Variants in TMC2 observed in about 807,000 individuals in gnomAD.
The protein encoded by TMC2 is transmembrane channel like 2, also known as transmembrane channel-like protein 2.
A neutral mutation model predicts 105.9 loss-of-function variants in TMC2; 102 were observed. The ratio of observed to expected loss-of-function variants is 0.96; its 90% CI spans 0.82 to 1.14. The LOEUF (loss-of-function observed/expected upper bound fraction) is 1.14. Among genes scored for constraint, TMC2 ranks in the 50% most tolerant of loss-of-function variants. The pLI, the probability that TMC2 is intolerant of heterozygous loss-of-function variation, is 0.00. For missense variants in TMC2, 1,093 were observed against 1,134.3 expected (o/e 0.96, Z 0.52); for synonymous variants, 402 against 422.8 (o/e 0.95, Z 0.60).
chr20:2,549,908 T>C (rs2085946865), intron 2 of TMC2, among the ~76,000 whole-genome samples: 1 of 151,982 alleles, frequency 6.6e-6, no homozygotes, highest in Admixed American at 6.6e-5. Context: ...TTTGGCTGTG[T>C]GCAGTGGCTC....
intron 2 of TMC2, among the ~76,000 whole-genome samples, chr20:2,549,215 T>C (rs1374832637): frequency 6.6e-6 from 1 of 152,170 alleles, no homozygotes; most frequent in Non-Finnish European, 1.5e-5. Flanking sequence ...ACCACTATCC[T>C]GGCTAAATTT....
intron 6 of TMC2, among the ~76,000 whole-genome samples, chr20:2,579,573 C>T (rs2086173888): frequency 6.6e-6 from 1 of 151,948 alleles, no homozygotes; most frequent in South Asian, 2.1e-4. Flanking sequence ...AGGTCTGGGC[C>T]ACCACACCTG....
chr20:2,559,544 T>C (rs892741939), intron 3 of TMC2, among the ~76,000 whole-genome samples: 3 of 152,190 alleles, frequency 2.0e-5, no homozygotes, highest in Non-Finnish European at 4.4e-5. Flanking sequence ...TTCTTTGTGA[T>C]AGAATAGGAA....
chr20:2,626,415 T>A (rs1449404634), intron 17 of TMC2, among the ~76,000 whole-genome samples: 3 of 152,128 alleles, frequency 2.0e-5, no homozygotes, highest in African/African-American at 7.2e-5. Context: ...TTCCTCATAG[T>A]ATGGTGGCTG....
chr20:2,614,244 G>A (rs181909645), intron 14 of TMC2, among the ~76,000 whole-genome samples: 14 of 152,244 alleles, frequency 9.2e-5, no homozygotes, highest in African/African-American at 1.9e-4. Context: ...AGATCACCAC[G>A]ATTTCCAAAT....
chr20:2,616,116 GCTCC>G lies in TMC2; in HGVS notation c.1873-9_1873-6del, dbSNP rs760180279. The G allele has an allele frequency of 9.3e-5, 147 of 1,585,076 alleles. No individual in the cohort carries two copies. The highest frequency in any genetic ancestry group is 1.2e-4 in the Non-Finnish European group (135 of 1,156,348). On this transcript the variant is annotated splice_polypyrimidine_tract_variant and intron_variant, in intron 14 of 19. Transcript: ENST00000358864. This position sits in a 1 kb window ranked among gnomAD's most constrained non-coding sequence, Gnocchi z 4.8. ...GCTTTTTTTTTTCTCTCTCTCTCTC[GCTCC>G]CTCCCTCCCTCTCTAGCCTTCATAT...
chr20:2,571,543 CA>C (rs538056616), intron 4 of TMC2, among the ~76,000 whole-genome samples: 1 of 152,098 alleles, frequency 6.6e-6, no homozygotes, highest in Non-Finnish European at 1.5e-5. Context: ...AACAAACAAA[CA>C]AAAAACACTT....
At chr20:2,554,894 G>A (rs1316766827) in intron 2 of TMC2, among the ~76,000 whole-genome samples, 1 of 152,112 alleles carries the variant, frequency 6.6e-6, no homozygotes, top group South Asian at 2.1e-4. Flanking sequence ...AGCTTGAGAA[G>A]GATCTGTTGT....
At chr20:2,557,085 T>C (rs1384787936) in intron 2 of TMC2, among the ~76,000 whole-genome samples, 1 of 152,224 alleles carries the variant, frequency 6.6e-6, no homozygotes, top group Non-Finnish European at 1.5e-5. Context: ...TCCTGCTTGA[T>C]GTTCTCTGGG....
rs2086687927 is a variant in TMC2 at position 2,641,337 on chromosome 20, A to G, written c.2707A>G (p.Arg903Gly). Residue 903 changes from arginine to glycine, a missense_variant, in exon 20 of 20, where the codon AGA becomes GGA. Transcript: ENST00000358864. ...GTCAGCCTCTGGAAAGAGTGCTCAG[A>G]GACCTCCCCACTGATGGCTAGGACT... is the stretch of plus-strand genomic sequence containing the variant. ...WRSASGKSAQ[R>G]PPH is the part of the protein sequence containing the mutation. 6 of 1,613,278 alleles carry G rather than the reference A, an allele frequency of 3.7e-6. No homozygotes were observed. In the African/African-American group the frequency reaches 8.0e-5, roughly 22 times the overall value.
intron 2 of TMC2, among the ~76,000 whole-genome samples, chr20:2,545,522 C>T (rs2085916944): frequency 6.6e-6 from 1 of 152,176 alleles, no homozygotes; most frequent in South Asian, 2.1e-4. Context: ...TCACTGGGGG[C>T]CATTCAGTCA....
chr20:2,536,904 C>T (rs979266771), intron 1 of TMC2, among the ~76,000 whole-genome samples: 2 of 152,212 alleles, frequency 1.3e-5, no homozygotes, highest in African/African-American at 4.8e-5. Flanking sequence ...TGCACAGCAC[C>T]TGTGTTCAGG....
At chr20:2,537,815 C>T (rs73892476) in intron 2 of TMC2, among the ~76,000 whole-genome samples, 1,937 of 152,184 alleles carry the variant, frequency 0.013, 40 homozygotes, top group African/African-American at 0.045. Context: ...AAGCCATAGG[C>T]GGGAGAGAAA....
At chr20:2,538,692 A>G (rs2085868377) in intron 2 of TMC2, among the ~76,000 whole-genome samples, 1 of 152,226 alleles carries the variant, frequency 6.6e-6, no homozygotes, top group Admixed American at 6.5e-5. Flanking sequence ...TCCTACTGAA[A>G]TATTCCACGT....
chr20:2,558,421 T>C lies in TMC2; in HGVS notation c.83-35T>C. ...GACATTTTCCTGGGCCTGAGGCCGT[T>C]GGAACCAGAACTGTCCATTTTCCCG... On this transcript the variant is annotated intron_variant, in intron 2 of 19. Transcript: ENST00000358864. The surrounding 1 kb of genome is among the most constrained non-coding windows in gnomAD (Gnocchi z 4.6). 3.2e-6 allele frequency: 5 copies of C among 1,549,618 alleles called. No individual in the cohort carries two copies. The highest frequency in any genetic ancestry group is 4.4e-6 in the Non-Finnish European group (5 of 1,146,484).
chr20:2,639,634 G>A (rs2086674192), intron 19 of TMC2, among the ~76,000 whole-genome samples: 1 of 152,142 alleles, frequency 6.6e-6, no homozygotes. Flanking sequence ...CTTAAGCAAC[G>A]TGTGCTATAG....
intron 2 of TMC2, among the ~76,000 whole-genome samples, chr20:2,541,296 T>C (rs540025039): frequency 6.6e-6 from 1 of 152,300 alleles, no homozygotes; most frequent in Admixed American, 6.5e-5. Context: ...AATGTTGCAT[T>C]GAAGATTCTT....
intron 2 of TMC2, among the ~76,000 whole-genome samples, chr20:2,546,209 A>C (rs1568500995): frequency 6.6e-6 from 1 of 152,164 alleles, no homozygotes; most frequent in Non-Finnish European, 1.5e-5. Flanking sequence ...GAGTTCAGTT[A>C]CCCAGGAAAC....
chr20:2,577,124 T>A (rs1261856221), intron 5 of TMC2, among the ~76,000 whole-genome samples: 3 of 151,764 alleles, frequency 2.0e-5, no homozygotes, highest in African/African-American at 7.3e-5. Context: ...GCCAGGCTGG[T>A]CTTGAACTCC....
Sources: gnomAD v4.1 joint callset for allele counts (sites outside exome capture counted in the v4.1 genomes callset) on GRCh38, gnomAD v4.1.1 for gene constraint, Gnocchi (gnomAD v3.1) non-coding constraint, MANE v1.5 for transcripts, NCBI Gene and HGNC (gene_info 2026-07-23, HGNC 2026-07-21) for gene names.